Variants in ABCB11 observed in about 807,000 individuals in gnomAD.
The protein encoded by ABCB11 is ATP binding cassette subfamily B member 11.
Under a neutral mutation model 148.0 loss-of-function variants are expected in ABCB11, and 95 were observed. That is an observed-to-expected ratio of 0.64 (90% confidence interval 0.54 to 0.76). The LOEUF (loss-of-function observed/expected upper bound fraction) is 0.76, where lower values mean the gene tolerates loss of function less well. ABCB11 is among the 30% of genes least tolerant of loss of function. The pLI, the probability that ABCB11 is intolerant of heterozygous loss-of-function variation, is 0.00. For synonymous variants in ABCB11, 591 were observed against 555.4 expected (o/e 1.06, Z -0.90); for missense variants, 1,523 against 1,617.8 (o/e 0.94, Z 1.01).
chr2:168,945,164 T>G (rs1226315669), intron 19 of ABCB11, among the ~76,000 whole-genome samples: 1 of 151,842 alleles, frequency 6.6e-6, no homozygotes, highest in African/African-American at 2.4e-5. Flanking sequence ...TTGTAGGAAA[T>G]GTATCATTCT....
chr2:168,934,631 C>T (rs931921191), intron 23 of ABCB11, among the ~76,000 whole-genome samples: 4 of 152,162 alleles, frequency 2.6e-5, no homozygotes, highest in Non-Finnish European at 5.9e-5. Flanking sequence ...AAACAGTTCT[C>T]TATGAACCAT....
intron 23 of ABCB11, among the ~76,000 whole-genome samples, chr2:168,934,895 G>A (rs1343899330): frequency 6.6e-6 from 1 of 152,122 alleles, no homozygotes; most frequent in Non-Finnish European, 1.5e-5. Context: ...AGTGGGGCTT[G>A]CCCTCTTTTG....
chr2:168,926,659 A>G (rs1403562872), intron 26 of ABCB11, among the ~76,000 whole-genome samples: 1 of 152,248 alleles, frequency 6.6e-6, no homozygotes, highest in Non-Finnish European at 1.5e-5. Flanking sequence ...CTTTTGCTTA[A>G]AAAACTAAGA....
chr2:168,952,664 T>C (rs2105925406), intron 19 of ABCB11, among the ~76,000 whole-genome samples: 1 of 147,758 alleles, frequency 6.8e-6, no homozygotes, highest in South Asian at 2.2e-4. Flanking sequence ...ATTTTTTGTT[T>C]CATTGCTCCT....
At position 168,979,822 on chromosome 2, in the gene ABCB11, C is replaced by T. The variant is rs562866244; in HGVS notation, c.1197+44G>A. 19 of 1,232,960 alleles carry T rather than the reference C, an allele frequency of 1.5e-5. No individual in the cohort carries two copies. The South Asian group carries it at 2.0e-4, about 13-fold the overall frequency. The allele number at this position is 1,232,960 out of a possible 1,614,324, so 76.4% of individuals were successfully genotyped here. On this transcript the variant is annotated intron_variant, in intron 11 of 27. Transcript: ENST00000650372. ...GGAGTTCATTCTGTGCCCCACCCCC[C>T]AGCCCCCACCTGTTAATGGCCTTTA...
chr2:168,965,274 G>A (rs1412099491), intron 17 of ABCB11, among the ~76,000 whole-genome samples: 2 of 151,796 alleles, frequency 1.3e-5, no homozygotes, highest in African/African-American at 4.8e-5. Flanking sequence ...AGCATGGGAA[G>A]TGATTGGTTC....
chr2:169,004,719 T>C (rs1354119735), intron 5 of ABCB11, among the ~76,000 whole-genome samples: 1 of 152,192 alleles, frequency 6.6e-6, no homozygotes, highest in East Asian at 1.9e-4. Context: ...TGAGCTGGTA[T>C]GATCTTTTCA....
In ABCB11 at chr2:168,973,706, G is replaced by A. The variant is rs2105967781; in HGVS notation, c.1434+9C>T. 4.3e-6 allele frequency: 7 copies of A among 1,611,112 alleles called. No individual in the cohort carries two copies. The highest frequency in any genetic ancestry group is 5.9e-6 in the Non-Finnish European group (7 of 1,177,920). ...CCCATGTATTGAGGAGTTTCTGGAA[G>A]ACACCCACCATTCCTTCACAGGGGT... is the stretch of plus-strand genomic sequence containing the variant. On this transcript the variant is annotated intron_variant, in intron 13 of 27. Coordinates refer to ENST00000650372, the MANE Select transcript of ABCB11 (RefSeq NM_003742.4).
intron 12 of ABCB11, among the ~76,000 whole-genome samples, chr2:168,975,170 ATATT>A (rs1278308249): frequency 7.5e-5 from 3 of 39,980 alleles, no homozygotes; most frequent in Admixed American, 1.9e-4. Flanking sequence ...AAATATTTTT[ATATT>A]TATTTATAGA....
intron 5 of ABCB11, among the ~76,000 whole-genome samples, chr2:168,998,375 A>C (rs935269749): frequency 5.3e-5 from 8 of 152,024 alleles, no homozygotes; most frequent in African/African-American, 1.4e-4. Flanking sequence ...CTGGTACTAC[A>C]TTGCATAGTA....
At chr2:168,982,043 GC>G (rs1374746557) in intron 10 of ABCB11, among the ~76,000 whole-genome samples, 2 of 152,132 alleles carry the variant, frequency 1.3e-5, no homozygotes, top group Non-Finnish European at 2.9e-5. Context: ...CATCACAGTA[GC>G]TAGCAACATC....
At chr2:168,999,279 CTT>C (rs369370665) in intron 5 of ABCB11, among the ~76,000 whole-genome samples, 5 of 145,774 alleles carry the variant, frequency 3.4e-5, no homozygotes, top group African/African-American at 1.2e-4. Context: ...AACTTTTTAC[CTT>C]TTTTTTTTTC....
At chr2:168,971,039 G>A (rs1046662109) in intron 14 of ABCB11, among the ~76,000 whole-genome samples, 1 of 151,968 alleles carries the variant, frequency 6.6e-6, no homozygotes, top group African/African-American at 2.4e-5. Flanking sequence ...AATTTAGAAG[G>A]CTGAAAGGGA....
At position 168,923,671 on chromosome 2, in the gene ABCB11, T is replaced by C. The variant is rs371501344; in HGVS notation, c.3917A>G (p.Gln1306Arg). ...GACTAGTTTGTAGTAGGCTCCTTTT[T>C]GGGCCATCAGTTCTTCATGGGTCCC... is the stretch of plus-strand genomic sequence containing the variant. ...EKGTHEELMAQKGAYYKLVTT... is the reference protein window; with the variant it reads ...EKGTHEELMARKGAYYKLVTT... The change falls in exon 28 of 28, where the codon CAA becomes CGA. Residue 1306 changes from glutamine (Q) to arginine (R), a missense_variant. By Grantham distance (43) the Gln-to-Arg change is conservative. Transcript: ENST00000650372. The C allele has an allele frequency of 2.5e-6, 4 of 1,613,884 alleles. No individual in the cohort carries two copies. The African/African-American group carries it at 4.0e-5, about 16-fold the overall frequency.
At chr2:169,021,355 A>G (rs1348194213) in intron 1 of ABCB11, among the ~76,000 whole-genome samples, 1 of 151,586 alleles carries the variant, frequency 6.6e-6, no homozygotes, top group Non-Finnish European at 1.5e-5. Context: ...TCATGCAAAT[A>G]CTGATGTCTC....
At chr2:168,928,231 A>G (rs1166857897) in intron 25 of ABCB11, among the ~76,000 whole-genome samples, 1 of 152,284 alleles carries the variant, frequency 6.6e-6, no homozygotes, top group East Asian at 1.9e-4. Context: ...TGCTCTACTC[A>G]TTTTCCATAG....
chr2:169,018,758 A>G (rs1383680639), intron 1 of ABCB11, among the ~76,000 whole-genome samples: 1 of 152,210 alleles, frequency 6.6e-6, no homozygotes, highest in East Asian at 1.9e-4. Context: ...ATTCCAGGAT[A>G]TAGACACTCG....
chr2:168,971,798 T>TC (rs747880696), intron 14 of ABCB11, 49 bp downstream of exon 14: 2 of 1,554,882 alleles, frequency 1.3e-6, no homozygotes, highest in Non-Finnish European at 1.8e-6. Context: ...CAACTTTTTT[T>TC]CCTTCTATGA....
intron 19 of ABCB11, among the ~76,000 whole-genome samples, chr2:168,951,449 T>C (rs546115944): frequency 6.6e-6 from 1 of 151,674 alleles, no homozygotes; most frequent in Admixed American, 6.6e-5. Flanking sequence ...TTTGTGGTCC[T>C]CCTTAGGGAG....
Sources: gnomAD v4.1 joint callset for allele counts (sites outside exome capture counted in the v4.1 genomes callset) on GRCh38, gnomAD v4.1.1 for gene constraint, MANE v1.5 for transcripts, NCBI Gene and HGNC (gene_info 2026-07-23, HGNC 2026-07-21) for gene names.